Variants in NBEA observed in about 807,000 individuals in gnomAD.
NBEA encodes the protein neurobeachin.
In NBEA, 44 loss-of-function variants were observed where a neutral mutation model predicts 343.4. The ratio of observed to expected loss-of-function variants is 0.13; its 90% CI spans 0.10 to 0.16. The LOEUF is 0.16. NBEA is among the 10% of genes least tolerant of loss of function. NBEA has a pLI of 1.00. For synonymous variants in NBEA, 1,175 were observed against 1,238.7 expected, an observed-to-expected ratio of 0.95 and a Z score of 1.08; for missense variants, 2,555 against 3,631.3, an observed-to-expected ratio of 0.70 and a Z score of 7.62.
chr13:35,562,916 C>T (rs546112247), intron 44 of NBEA, among the ~76,000 whole-genome samples: 123 of 152,050 alleles, frequency 8.1e-4, no homozygotes, highest in Middle Eastern at 3.4e-3. Context: ...ACCTTCAAAA[C>T]CAAAGTGCCA....
At chr13:35,225,459 A>G (rs2074598497) in intron 33 of NBEA, among the ~76,000 whole-genome samples, 1 of 152,152 alleles carries the variant, frequency 6.6e-6, no homozygotes, top group South Asian at 2.1e-4. Context: ...GGATCTAGGC[A>G]GAACTTTGTA....
At position 34,978,759 on chromosome 13, in the gene NBEA, T is replaced by C. The variant is rs79560900; in HGVS notation, c.294+35645T>C. Among the ~76,000 whole-genome samples the C allele has an allele frequency of 2.9e-4, 44 of 152,314 alleles. No homozygotes were observed. The East Asian group carries it at 8.1e-3, about 28-fold the overall frequency. On this transcript the variant is annotated intron_variant, in intron 1 of 58. Coordinates refer to ENST00000379939, the MANE Select transcript of NBEA (RefSeq NM_001385012.1). The stretch of plus-strand genomic sequence containing the variant: ...GTAAAACTTCTTTTATTTAACAGAA[T>C]GCTTTTGCAATTTGTTCATGTTGTG...
intron 38 of NBEA, among the ~76,000 whole-genome samples, chr13:35,392,864 A>G (rs2042571342): frequency 1.3e-5 from 2 of 151,996 alleles, no homozygotes; most frequent in African/African-American, 4.8e-5. Context: ...GAAGTTAAAA[A>G]CTCAGTTGAG....
At chr13:34,990,898 A>G (rs1414427885) in intron 1 of NBEA, among the ~76,000 whole-genome samples, 1 of 152,204 alleles carries the variant, frequency 6.6e-6, no homozygotes, top group Non-Finnish European at 1.5e-5. Context: ...GCTACTTAGA[A>G]ATTTCTTCTG....
At chr13:34,955,102 TAAC>T (rs1452783995) in intron 1 of NBEA, among the ~76,000 whole-genome samples, 2 of 152,270 alleles carry the variant, frequency 1.3e-5, no homozygotes, top group African/African-American at 4.8e-5. Flanking sequence ...GACTAGGAAT[TAAC>T]ACCCAGATTC....
At chr13:34,976,805 G>A (rs1321418504) in intron 1 of NBEA, among the ~76,000 whole-genome samples, 1 of 151,464 alleles carries the variant, frequency 6.6e-6, no homozygotes, top group Non-Finnish European at 1.5e-5. Flanking sequence ...TCATAGAGCT[G>A]TTTTATTTCT....
At chr13:35,281,184 T>G (rs1338220082) in intron 34 of NBEA, among the ~76,000 whole-genome samples, 1 of 152,150 alleles carries the variant, frequency 6.6e-6, no homozygotes, top group African/African-American at 2.4e-5. Flanking sequence ...TTTCTTGGGT[T>G]GAATCATGAT....
rs530105709 is a variant in NBEA, at chr13:35,378,047, A to C, written c.6179+25724A>C. Among the ~76,000 whole-genome samples, 80 of 152,296 alleles carry C rather than the reference A, an allele frequency of 5.3e-4. 1 individual carries two copies. Among genetic ancestry groups the C allele is most frequent in the Admixed American group, 7.8e-4 (12 of 15,296 alleles). On this transcript the variant is annotated intron_variant, in intron 38 of 58. Transcript: ENST00000379939. The stretch of plus-strand genomic sequence containing the variant: ...ATTATAGTTATTCTGATTACAATAT[A>C]GCTTTAGGAATGGAAGAACAAAATA...
At chr13:35,350,663 A>G (rs760016634) in intron 37 of NBEA, among the ~76,000 whole-genome samples, 3 of 149,744 alleles carry the variant, frequency 2.0e-5, no homozygotes, top group Admixed American at 6.7e-5. Context: ...GTGTTATTTG[A>G]TGATTGTACC....
At chr13:35,551,472 G>A (rs1049716830) in intron 43 of NBEA, among the ~76,000 whole-genome samples, 1 of 151,970 alleles carries the variant, frequency 6.6e-6, no homozygotes. Flanking sequence ...CATTAATTAT[G>A]GTATAGTTGT....
intron 1 of NBEA, among the ~76,000 whole-genome samples, chr13:34,976,270 T>C (rs2060170777): frequency 6.6e-6 from 1 of 152,200 alleles, no homozygotes; most frequent in Non-Finnish European, 1.5e-5. Context: ...AATGGCATTC[T>C]CAGCAACCTG....
chr13:35,070,646 G>C (rs2063829957), intron 9 of NBEA, 73 bp from the exon 10 acceptor site: 3 of 1,310,666 alleles, frequency 2.3e-6, no homozygotes, highest in Non-Finnish European at 3.1e-6. Flanking sequence ...TATTATAAAG[G>C]TATTTGGAAC....
rs552949150 is a variant in NBEA at position 35,016,529 on chromosome 13, G to A, written c.295-24404G>A. 2.6e-5 allele frequency among the ~76,000 whole-genome samples: 4 copies of A among 151,872 alleles called. No individual in the cohort carries two copies. In the South Asian group the frequency reaches 6.3e-4, roughly 24 times the overall value. ...ATCAGGCACTGAGGCAGGTACTAGG[G>A]TATATAATGGAGTGCAGAGCTACAA... On this transcript the variant is annotated intron_variant, in intron 1 of 58. Coordinates refer to ENST00000379939, the MANE Select transcript of NBEA (RefSeq NM_001385012.1).
At chr13:35,171,524 A>G (rs1293231021) in intron 26 of NBEA, 72 bp downstream of exon 26, 2 of 1,197,120 alleles carry the variant, frequency 1.7e-6, no homozygotes, top group East Asian at 4.8e-5. Flanking sequence ...ACTATGGTAC[A>G]TAAAATATTA....
intron 39 of NBEA, among the ~76,000 whole-genome samples, chr13:35,450,687 A>G (rs943735074): frequency 1.3e-4 from 20 of 152,202 alleles, no homozygotes; most frequent in African/African-American, 3.6e-4. Context: ...TATAGGACTG[A>G]TTTATAAGGC....
At chr13:35,244,845 T>C (rs2030932948) in intron 34 of NBEA, among the ~76,000 whole-genome samples, 2 of 152,030 alleles carry the variant, frequency 1.3e-5, no homozygotes, top group Non-Finnish European at 2.9e-5. Context: ...TTTGGTATTT[T>C]ATTTTATTTT....
chr13:35,468,132 G>GCCCAA (rs1566176841), intron 40 of NBEA, among the ~76,000 whole-genome samples: 4 of 103,028 alleles, frequency 3.9e-5, no homozygotes, highest in Non-Finnish European at 3.8e-5. Context: ...CCCCTCCCCT[G>GCCCAA]AAAATGATTA....
At chr13:35,223,640 C>T (rs549267710) in intron 33 of NBEA, among the ~76,000 whole-genome samples, 1 of 152,130 alleles carries the variant, frequency 6.6e-6, no homozygotes, top group Admixed American at 6.5e-5. Context: ...TTGGTGTTTT[C>T]TGGGCTTCTT....
intron 39 of NBEA, among the ~76,000 whole-genome samples, chr13:35,444,734 A>G (rs967501613): frequency 6.6e-6 from 1 of 152,068 alleles, no homozygotes; most frequent in African/African-American, 2.4e-5. Context: ...TCTCTTCTTG[A>G]GAAAGCAGTT....
Sources: allele counts gnomAD v4.1 joint callset (sites outside exome capture counted in the v4.1 genomes callset), GRCh38; gene constraint gnomAD v4.1.1; transcripts MANE v1.5; gene names NCBI Gene and HGNC (gene_info 2026-07-23, HGNC 2026-07-21).